The following PDLIM5 variants were observed in gnomAD, a reference collection of about 807,000 sequenced individuals.
PDLIM5 encodes the protein PDZ and LIM domain protein 5.
PDLIM5 carries 34 observed loss-of-function variants against 64.2 expected under a neutral mutation model. The observed-to-expected ratio is 0.53, with a 90% CI of 0.40 to 0.71. The LOEUF (loss-of-function observed/expected upper bound fraction) is 0.71, where lower values mean the gene tolerates loss of function less well. PDLIM5 is among the 30% of genes least tolerant of loss of function. The pLI is 0.00. For missense variants in PDLIM5, 683 were observed against 733.6 expected (o/e 0.93, Z 0.80); for synonymous variants, 253 against 269.1 (o/e 0.94, Z 0.59).
At chr4:94,473,904 G>A (rs896767510) in intron 2 of PDLIM5, among the ~76,000 whole-genome samples, 2 of 152,168 alleles carry the variant, frequency 1.3e-5, no homozygotes, top group African/African-American at 4.8e-5. Context: ...ACATAGTTCA[G>A]TGATAATTTT....
At chr4:94,576,352 C>T (rs1735259341) in intron 5 of PDLIM5, among the ~76,000 whole-genome samples, 1 of 152,156 alleles carries the variant, frequency 6.6e-6, no homozygotes, top group African/African-American at 2.4e-5. Context: ...ATCTTTCTTC[C>T]TCAATTTTTT....
At chr4:94,526,735 TTTC>T (rs1393460483) in intron 3 of PDLIM5, among the ~76,000 whole-genome samples, 1 of 102,084 alleles carries the variant, frequency 9.8e-6, no homozygotes, top group African/African-American at 3.7e-5. Context: ...CATTTCTTTC[TTTC>T]TTTTTTTTTT....
At chr4:94,636,690 C>G (rs548572572) in intron 8 of PDLIM5, among the ~76,000 whole-genome samples, 2 of 151,960 alleles carry the variant, frequency 1.3e-5, no homozygotes, top group Non-Finnish European at 2.9e-5. Context: ...AGGCCCACCA[C>G]GCGCAGCTAA....
At chr4:94,621,739 GAATAATCA>G (rs1242826734) in intron 8 of PDLIM5, among the ~76,000 whole-genome samples, 4 of 152,166 alleles carry the variant, frequency 2.6e-5, no homozygotes, top group Non-Finnish European at 4.4e-5. Context: ...AAATTTGTGA[GAATAATCA>G]AAGTAGGCCA....
chr4:94,573,230 A>G (rs1018726959), intron 3 of PDLIM5, 121 bp from the exon 4 acceptor site: 1 of 708,062 alleles, frequency 1.4e-6, no homozygotes, highest in African/African-American at 1.8e-5. Context: ...TTATGAAACG[A>G]TACATTCCAG....
At chr4:94,493,890 C>T (rs544189709) in intron 2 of PDLIM5, among the ~76,000 whole-genome samples, 10 of 152,234 alleles carry the variant, frequency 6.6e-5, no homozygotes, top group African/African-American at 2.4e-4. Flanking sequence ...TGACTCCAGA[C>T]TACTTTCATA....
chr4:94,463,589 G>A (rs185424032), intron 2 of PDLIM5, among the ~76,000 whole-genome samples: 17 of 152,228 alleles, frequency 1.1e-4, no homozygotes, highest in South Asian at 2.1e-4. Flanking sequence ...CTGTCTCAGG[G>A]TGTGCCAGGT....
chr4:94,473,174 A>G (rs1196242989), intron 2 of PDLIM5, among the ~76,000 whole-genome samples: 5 of 152,226 alleles, frequency 3.3e-5, no homozygotes, highest in Non-Finnish European at 7.3e-5. Flanking sequence ...TGAGGTGAGC[A>G]TTTGCTTGGC....
chr4:94,622,739 C>T (rs904702801), intron 8 of PDLIM5, among the ~76,000 whole-genome samples: 3 of 150,972 alleles, frequency 2.0e-5, no homozygotes, highest in Non-Finnish European at 3.0e-5. Context: ...GGCACAATCT[C>T]GGCTCACTGC....
intron 2 of PDLIM5, among the ~76,000 whole-genome samples, chr4:94,499,084 T>C (rs774987): frequency 0.42 from 63,830 of 152,036 alleles, 15,859 homozygotes; most frequent in South Asian, 0.72. Context: ...TTCAAAATAA[T>C]TTGAGATAAG....
intron 9 of PDLIM5, among the ~76,000 whole-genome samples, chr4:94,653,993 A>G (rs959115196): frequency 3.3e-5 from 5 of 152,096 alleles, no homozygotes; most frequent in Non-Finnish European, 7.4e-5. Flanking sequence ...CTCAGGTAAT[A>G]GTTATTACTA....
intron 3 of PDLIM5, among the ~76,000 whole-genome samples, chr4:94,561,003 A>G (rs954900796): frequency 2.6e-5 from 4 of 152,170 alleles, no homozygotes; most frequent in Admixed American, 6.5e-5. Context: ...CTGGGATTAC[A>G]GGCTTGAGCC....
chr4:94,602,386 A>C lies in PDLIM5; in HGVS notation c.921-15618A>C, dbSNP rs566526452. Among the ~76,000 whole-genome samples, 14 of 152,298 alleles carry C rather than the reference A, an allele frequency of 9.2e-5. No individual in the cohort carries two copies. In the South Asian group the frequency reaches 2.9e-3, roughly 32 times the overall value. On this transcript the variant is annotated intron_variant, in intron 7 of 12. Transcript: ENST00000317968. ...TAGAACATAGTTTGCATATAATTCC[A>C]TCAAAATCTGGATGACCCAAATTAA...
intron 2 of PDLIM5, chr4:94,456,207 G>T: frequency 2.2e-6 from 1 of 445,326 alleles, no homozygotes; most frequent in East Asian, 4.0e-5. Context: ...TATACACACA[G>T]TTTTTTTTGA....
intron 3 of PDLIM5, among the ~76,000 whole-genome samples, chr4:94,550,588 C>T (rs1031166462): frequency 9.9e-5 from 15 of 152,228 alleles, no homozygotes; most frequent in Middle Eastern, 3.4e-3. Context: ...TCAAAGTACC[C>T]GTTAGACACA....
chr4:94,462,890 T>G (rs1474160418), intron 2 of PDLIM5, among the ~76,000 whole-genome samples: 1 of 152,220 alleles, frequency 6.6e-6, no homozygotes, highest in South Asian at 2.1e-4. Flanking sequence ...ACAAGTATTT[T>G]ACAAAGGATT....
chr4:94,538,433 T>TGTGACAACTCTGTCACAGTA (rs1288592308), intron 3 of PDLIM5, among the ~76,000 whole-genome samples: 2 of 152,328 alleles, frequency 1.3e-5, no homozygotes, highest in East Asian at 3.9e-4. Context: ...GTGACAGCTC[T>TGTGACAACTCTGTCACAGTA]GTGACAACTC....
intron 5 of PDLIM5, chr4:94,584,937 C>T (rs1382045599): frequency 3.1e-6 from 4 of 1,276,144 alleles, no homozygotes; most frequent in South Asian, 1.3e-5. Flanking sequence ...TTTCCTTTTT[C>T]TTCATGTTGG....
chr4:94,534,682 T>C (rs932527060), intron 3 of PDLIM5, among the ~76,000 whole-genome samples: 2 of 152,192 alleles, frequency 1.3e-5, no homozygotes, highest in African/African-American at 2.4e-5. Flanking sequence ...AAGGATAAGT[T>C]TTCTCTCCTT....
Sources: allele counts gnomAD v4.1 joint callset (sites outside exome capture counted in the v4.1 genomes callset), GRCh38; gene constraint gnomAD v4.1.1; transcripts MANE v1.5; gene names NCBI Gene and HGNC (gene_info 2026-07-23, HGNC 2026-07-21).